The following TCTN3 variants were observed in gnomAD, a reference collection of about 807,000 sequenced individuals.
TCTN3 encodes tectonic family member 3.
In TCTN3, 57 loss-of-function variants were observed where a neutral mutation model predicts 71.3. The observed-to-expected ratio is 0.80, with a 90% CI of 0.65 to 1.00. TCTN3 has a LOEUF of 1.00. Among genes scored for constraint, TCTN3 ranks in the 50% least tolerant of loss-of-function variants. The pLI, the probability that TCTN3 is intolerant of heterozygous loss-of-function variation, is 0.00. For missense variants in TCTN3, 696 were observed against 719.9 expected (o/e 0.97, Z 0.38); for synonymous variants, 258 against 267.8 (o/e 0.96, Z 0.36).
chr10:95,676,810 G>A (rs537591596), intron 13 of TCTN3, among the ~76,000 whole-genome samples: 1 of 152,268 alleles, frequency 6.6e-6, no homozygotes, highest in South Asian at 2.1e-4. Flanking sequence ...GATATCAAGA[G>A]TAATATTTAC....
In TCTN3 at chr10:95,682,143, C is replaced by T. The variant is rs561608987; in HGVS notation, c.1452+508G>A. 2.7e-5 allele frequency among the ~76,000 whole-genome samples: 4 copies of T among 149,818 alleles called. No individual in the cohort carries two copies. The East Asian group carries it at 5.9e-4, about 22-fold the overall frequency. On this transcript the variant is annotated intron_variant, in intron 12 of 13. Coordinates refer to ENST00000371217, the MANE Select transcript of TCTN3 (RefSeq NM_015631.6). ...CCAGAAGGTTGAGAATGCAATGAGC[C>T]ATGATTGTGCCACTGCACTCCAGCC...
chr10:95,690,002 T>C (rs1197217889), intron 3 of TCTN3, among the ~76,000 whole-genome samples: 1 of 152,204 alleles, frequency 6.6e-6, no homozygotes, highest in African/African-American at 2.4e-5. Flanking sequence ...TTGAATTTTA[T>C]TTTATTTTGA....
In TCTN3 at chr10:95,693,407, C is replaced by T. The variant is rs143758863; in HGVS notation, c.326G>A (p.Cys109Tyr). The T allele has an allele frequency of 1.4e-4, 222 of 1,552,014 alleles. No homozygotes were observed. Among genetic ancestry groups the T allele is most frequent in the Non-Finnish European group, 1.9e-4 (217 of 1,147,040 alleles). ...CDINCCCDRDCYLLHPRTVFS... is the reference protein window; with the variant it reads ...CDINCCCDRDYYLLHPRTVFS... ...AACTGTCCTCGGATGGAGAAGATAG[C>T]AGTCCCTGTCGCAGCAGCAATTTAT... Residue 109 changes from cysteine to tyrosine, a missense_variant, in exon 2 of 14, where the codon TGC becomes TAC. Cys to Tyr is a radical substitution (Grantham distance 194). Transcript: ENST00000371217.
intron 2 of TCTN3, 118 bp downstream of exon 2, chr10:95,693,235 A>G: frequency 4.2e-6 from 6 of 1,426,900 alleles, no homozygotes; most frequent in Non-Finnish European, 4.7e-6. Context: ...AACCAAGGGA[A>G]TGTCCTAGGA....
In TCTN3 at chr10:95,663,917, TC is replaced by T; in HGVS notation, c.*149del. The T allele has an allele frequency of 3.0e-6, 2 of 657,764 alleles. No homozygotes were observed. Among genetic ancestry groups the T allele is most frequent in the Middle Eastern group, 3.9e-4 (1 of 2,544 alleles). 40.7% of individuals were successfully genotyped at this position (657,764 alleles called of 1,614,324 possible). ...ATTTTTATTGCTTTTCTAAAATAAC[TC>T]CTTTCATATACAAGGATTCCTTCAG... On this transcript the variant is annotated 3_prime_UTR_variant, in exon 14 of 14. Coordinates refer to ENST00000371217, the MANE Select transcript of TCTN3 (RefSeq NM_015631.6).
chr10:95,665,445 AT>A (rs551854609), intron 13 of TCTN3, among the ~76,000 whole-genome samples: 1 of 151,762 alleles, frequency 6.6e-6, no homozygotes, highest in Non-Finnish European at 1.5e-5. Context: ...TGCCTAGCTA[AT>A]TTTTTTGTAT....
Position 95,693,438 on chromosome 10 carries a change from A to G in TCTN3, c.295T>C (p.Cys99Arg). 1.9e-6 allele frequency: 3 copies of G among 1,552,160 alleles called. No homozygotes were observed. Among genetic ancestry groups the G allele is most frequent in the Non-Finnish European group, 2.6e-6 (3 of 1,147,096 alleles). Residue 99 changes from cysteine to arginine, a missense_variant, in exon 2 of 14, where the codon TGC becomes CGC. Cys to Arg is a radical substitution (Grantham distance 180). Coordinates refer to ENST00000371217, the MANE Select transcript of TCTN3 (RefSeq NM_015631.6). ...ICVCDLTPGACDINCCCDRDC... is the reference protein window; with the variant it reads ...ICVCDLTPGARDINCCCDRDC... The stretch of plus-strand genomic sequence containing the variant: ...CTGTCGCAGCAGCAATTTATATCGC[A>G]GGCTCCAGGAGTCAAGTCACAGACA...
At chr10:95,669,956 G>C (rs1325705599) in intron 13 of TCTN3, among the ~76,000 whole-genome samples, 1 of 150,476 alleles carries the variant, frequency 6.6e-6, no homozygotes, top group African/African-American at 2.4e-5. Flanking sequence ...CCAGCTACTC[G>C]GGAGGCTGAG....
At chr10:95,690,189 G>A (rs2097952249) in intron 3 of TCTN3, among the ~76,000 whole-genome samples, 1 of 151,636 alleles carries the variant, frequency 6.6e-6, no homozygotes, top group Non-Finnish European at 1.5e-5. Context: ...TTGCTATGTT[G>A]CCAGGATTGT....
At chr10:95,667,995 CACAG>C (rs2097927238) in intron 13 of TCTN3, among the ~76,000 whole-genome samples, 1 of 151,888 alleles carries the variant, frequency 6.6e-6, no homozygotes, top group African/African-American at 2.4e-5. Context: ...TCTGAGGAAA[CACAG>C]ACAATGAAAG....
Position 95,693,852 on chromosome 10 carries a change from G to C in TCTN3, c.48C>G (p.Phe16Leu). Residue 16 changes from phenylalanine (F) to leucine (L), a missense_variant, in exon 1 of 14, where the codon TTC (phenylalanine) becomes TTG (leucine). By Grantham distance (22) the Phe-to-Leu change is conservative (BLOSUM62 0). Transcript: ENST00000371217. ...LALLQVFFLV[F>L]PDGVRPQPSS... ...AGGGCTGAGGCCGGACGCCATCGGGGAACACCAGAAAGAACACTTGCAGGA... is the reference window on the plus strand; with the variant it reads ...AGGGCTGAGGCCGGACGCCATCGGGCAACACCAGAAAGAACACTTGCAGGA... 1 of 1,551,700 alleles carries C rather than the reference G, an allele frequency of 6.4e-7. No individual in the cohort carries two copies. The highest frequency in any genetic ancestry group is 8.7e-7 in the Non-Finnish European group (1 of 1,147,002).
chr10:95,664,081 G>C lies in TCTN3; in HGVS notation c.1810C>G (p.Leu604Val), dbSNP rs778237289. ...TTTTCTTTTCTTCACATAGTCTCTA[G>C]GTTGAGAACTCCAAGTAGTAAGAGG... Reference protein sequence around the residue: ...LCLLLLGVLNLETM With the variant: ...LCLLLLGVLNVETM The change falls in exon 14 of 14, where the codon CTA (leucine) becomes GTA (valine). Residue 604 changes from leucine (L) to valine (V), a missense_variant. Transcript: ENST00000371217. The C allele has an allele frequency of 1.2e-6, 2 of 1,613,892 alleles. No individual in the cohort carries two copies. The highest frequency in any genetic ancestry group is 1.7e-6 in the Non-Finnish European group (2 of 1,179,856).
intron 13 of TCTN3, among the ~76,000 whole-genome samples, chr10:95,677,416 A>T (rs1205855068): frequency 6.7e-6 from 1 of 149,794 alleles, no homozygotes; most frequent in Non-Finnish European, 1.5e-5. Context: ...CACACAGTAA[A>T]TGTTCAATAA....
chr10:95,663,947 G>T lies in TCTN3; in HGVS notation c.*120C>A. ...TCATATACAAGGATTCCTTCAGTTA[G>T]GTCCTCTATTATCCTAAATGCTCTC... On this transcript the variant is annotated 3_prime_UTR_variant, in exon 14 of 14. Coordinates refer to ENST00000371217, the MANE Select transcript of TCTN3 (RefSeq NM_015631.6). The T allele has an allele frequency of 1.3e-6, 1 of 749,628 alleles. No homozygotes were observed. Among genetic ancestry groups the T allele is most frequent in the Non-Finnish European group, 2.3e-6 (1 of 438,382 alleles). The allele number at this position is 749,628 out of a possible 1,614,324, so 46.4% of individuals were successfully genotyped here.
intron 13 of TCTN3, among the ~76,000 whole-genome samples, chr10:95,677,239 G>A (rs2097937974): frequency 2.0e-5 from 3 of 152,072 alleles, no homozygotes; most frequent in Admixed American, 2.0e-4. Flanking sequence ...CATGACATAT[G>A]ATGTGTTTTA....
intron 3 of TCTN3, among the ~76,000 whole-genome samples, chr10:95,688,838 GT>G (rs2097951123): frequency 6.6e-6 from 1 of 152,180 alleles, no homozygotes; most frequent in Admixed American, 6.5e-5. Context: ...CTGTGATGCT[GT>G]CCCCTGCCCA....
At chr10:95,666,910 T>C (rs1469369200) in intron 13 of TCTN3, among the ~76,000 whole-genome samples, 1 of 152,206 alleles carries the variant, frequency 6.6e-6, no homozygotes, top group Non-Finnish European at 1.5e-5. Context: ...CCACCTAGCA[T>C]TAATTAGTAA....
At position 95,664,218 on chromosome 10, in the gene TCTN3, C is replaced by T. The variant is rs1486949643; in HGVS notation, c.1673G>A (p.Gly558Asp). The change falls in exon 14 of 14, where the codon GGC becomes GAC. Residue 558 changes from glycine (G) to aspartate (D), a missense_variant. Gly to Asp is a moderately conservative substitution (Grantham distance 94, BLOSUM62 -1). Coordinates refer to ENST00000371217, the MANE Select transcript of TCTN3 (RefSeq NM_015631.6). Reference sequence around the variant, plus strand: ...CCATTTCCAGTCCATTTTGGGTTGGCCCCTTGGAGGCTGTGGCTTCTGGGT... The same window carrying T: ...CCATTTCCAGTCCATTTTGGGTTGGTCCCTTGGAGGCTGTGGCTTCTGGGT... ...DITQKPQPPR[G>D]QPKMDWKWPF... is the part of the protein sequence containing the mutation. 1.2e-6 allele frequency: 2 copies of T among 1,614,138 alleles called. No individual in the cohort carries two copies. The highest frequency in any genetic ancestry group is 2.2e-5 in the South Asian group (2 of 91,086).
chr10:95,663,699 T>C lies in TCTN3; in HGVS notation c.*368A>G, dbSNP rs1042927001. ...AGTTCATTCAAGGTGACAGCAGAAGTGTTTCTCTCTTTCTGCTTGGCCCAA... is the reference window on the plus strand; with the variant it reads ...AGTTCATTCAAGGTGACAGCAGAAGCGTTTCTCTCTTTCTGCTTGGCCCAA... On this transcript the variant is annotated 3_prime_UTR_variant, in exon 14 of 14. Transcript: ENST00000371217. 2.9e-5 allele frequency: 6 copies of C among 204,434 alleles called. No individual in the cohort carries two copies. Among genetic ancestry groups the C allele is most frequent in the Middle Eastern group, 2.1e-3 (1 of 476 alleles). The allele number at this position is 204,434 out of a possible 1,614,324, so 12.7% of individuals were successfully genotyped here. A position where few individuals can be genotyped will look rare whatever the true frequency, so the allele number is the denominator to read the frequency against.
Sources: gnomAD v4.1 joint callset for allele counts (sites outside exome capture counted in the v4.1 genomes callset) on GRCh38, gnomAD v4.1.1 for gene constraint, MANE v1.5 for transcripts, NCBI Gene and HGNC (gene_info 2026-07-23, HGNC 2026-07-21) for gene names.